Variants in AUTS2 observed in about 807,000 individuals in gnomAD.
AUTS2 encodes autism susceptibility gene 2 protein.
In AUTS2, 17 loss-of-function variants were observed where a neutral mutation model predicts 112.4. The observed-to-expected ratio is 0.15, with a 90% CI of 0.10 to 0.23. The LOEUF (loss-of-function observed/expected upper bound fraction) is 0.23. AUTS2 is among the 10% of genes least tolerant of loss of function. The pLI is 1.00. For synonymous variants in AUTS2, 751 were observed against 702.7 expected, an observed-to-expected ratio of 1.07 and a Z score of -1.09; for missense variants, 1,510 against 1,701.6, an observed-to-expected ratio of 0.89 and a Z score of 1.98.
At chr7:69,650,034 C>G (rs1253438724) in intron 1 of AUTS2, among the ~76,000 whole-genome samples, 1 of 152,178 alleles carries the variant, frequency 6.6e-6, no homozygotes, top group South Asian at 2.1e-4. Flanking sequence ...TTTTGTTACA[C>G]TGTGGATGGT....
intron 5 of AUTS2, among the ~76,000 whole-genome samples, chr7:70,521,297 G>A (rs570644337): frequency 1.3e-5 from 2 of 152,182 alleles, no homozygotes; most frequent in Middle Eastern, 3.2e-3. Context: ...GATACGACGT[G>A]TGAAATGCCA....
At chr7:70,608,600 G>T (rs1379346481) in intron 5 of AUTS2, among the ~76,000 whole-genome samples, 1 of 152,172 alleles carries the variant, frequency 6.6e-6, no homozygotes, top group Non-Finnish European at 1.5e-5. Flanking sequence ...GAAAATTAAA[G>T]GTATTCACGA....
intron 1 of AUTS2, among the ~76,000 whole-genome samples, chr7:69,642,482 T>C (rs928899976): frequency 5.9e-5 from 9 of 152,230 alleles, no homozygotes; most frequent in African/African-American, 2.2e-4. Flanking sequence ...TATATACTTT[T>C]TGAGTATTTT....
chr7:70,094,652 C>T (rs1319249750), intron 2 of AUTS2, among the ~76,000 whole-genome samples: 4 of 152,138 alleles, frequency 2.6e-5, no homozygotes. Context: ...ATCCATAAAG[C>T]AGTATGGAAA....
intron 2 of AUTS2, among the ~76,000 whole-genome samples, chr7:69,975,663 C>G (rs1036882786): frequency 6.6e-6 from 1 of 151,490 alleles, no homozygotes; most frequent in African/African-American, 2.4e-5. Flanking sequence ...TTGAGCCCAT[C>G]CGTTGAATTT....
chr7:70,388,926 G>T (rs1385756849), intron 4 of AUTS2, among the ~76,000 whole-genome samples: 1 of 152,122 alleles, frequency 6.6e-6, no homozygotes. Flanking sequence ...TCAATGAGGA[G>T]ATAAATAGTT....
intron 2 of AUTS2, among the ~76,000 whole-genome samples, chr7:69,941,124 A>C (rs1796610341): frequency 6.6e-6 from 1 of 152,156 alleles, no homozygotes; most frequent in Non-Finnish European, 1.5e-5. Flanking sequence ...TACCCTCCCA[A>C]GTTAAGGTAA....
At chr7:70,489,873 C>A (rs1798167295) in intron 5 of AUTS2, among the ~76,000 whole-genome samples, 1 of 151,964 alleles carries the variant, frequency 6.6e-6, no homozygotes, top group South Asian at 2.1e-4. Flanking sequence ...CAGCAAAACC[C>A]CAAATATTTA....
At chr7:70,182,868 C>T (rs1809392293) in intron 4 of AUTS2, among the ~76,000 whole-genome samples, 1 of 152,056 alleles carries the variant, frequency 6.6e-6, no homozygotes, top group Admixed American at 6.6e-5. Flanking sequence ...ATCTCTTGGT[C>T]ACCTCCTTTC....
At chr7:70,335,949 C>T (rs949197222) in intron 4 of AUTS2, among the ~76,000 whole-genome samples, 6 of 152,156 alleles carry the variant, frequency 3.9e-5, no homozygotes, top group African/African-American at 9.7e-5. Context: ...TTAACCAAGA[C>T]TTGACAGCTC....
At chr7:69,833,178 T>C (rs1255891193) in intron 1 of AUTS2, among the ~76,000 whole-genome samples, 1 of 152,152 alleles carries the variant, frequency 6.6e-6, no homozygotes, top group African/African-American at 2.4e-5. Context: ...AATTAAAATT[T>C]TTAGGTCCTC....
intron 1 of AUTS2, among the ~76,000 whole-genome samples, chr7:69,754,362 C>CT (rs1787863514): frequency 6.6e-6 from 1 of 152,196 alleles, no homozygotes; most frequent in African/African-American, 2.4e-5. Flanking sequence ...CTAGAGCTGA[C>CT]TGTCAAAGGC....
At chr7:70,518,927 C>T (rs186838849) in intron 5 of AUTS2, among the ~76,000 whole-genome samples, 2 of 152,186 alleles carry the variant, frequency 1.3e-5, no homozygotes, top group Admixed American at 6.5e-5. Context: ...TGGTCTTGAA[C>T]TCTTGGCCTC....
chr7:70,714,059 G>A lies in AUTS2; in HGVS notation c.742+15439G>A, dbSNP rs545120248. On this transcript the variant is annotated intron_variant, in intron 6 of 18. Transcript: ENST00000342771. ...TGATCTACATGGGTTAAATTTAAAT[G>A]CCTTTTTCAATAGGGAATATTTTCA... 4.6e-5 allele frequency among the ~76,000 whole-genome samples: 7 copies of A among 152,230 alleles called. No homozygotes were observed. The South Asian group carries it at 1.5e-3, about 32-fold the overall frequency.
intron 4 of AUTS2, among the ~76,000 whole-genome samples, chr7:70,381,388 T>G (rs1233955708): frequency 2.5e-4 from 38 of 152,218 alleles, no homozygotes; most frequent in Non-Finnish European, 5.9e-5. Flanking sequence ...GCTGTGTGTT[T>G]TCCTGTGTAC....
chr7:70,586,345 T>A (rs1350940013), intron 5 of AUTS2, among the ~76,000 whole-genome samples: 1 of 152,210 alleles, frequency 6.6e-6, no homozygotes, highest in Non-Finnish European at 1.5e-5. Context: ...AGGTTTTCCT[T>A]ACATGTATTC....
chr7:69,800,034 T>C (rs1377735151), intron 1 of AUTS2, among the ~76,000 whole-genome samples: 1 of 152,248 alleles, frequency 6.6e-6, no homozygotes, highest in African/African-American at 2.4e-5. Flanking sequence ...TAATAACTCA[T>C]GTGTCAGTAA....
At chr7:69,664,495 T>G (rs1194188082) in intron 1 of AUTS2, among the ~76,000 whole-genome samples, 1 of 152,180 alleles carries the variant, frequency 6.6e-6, no homozygotes. Context: ...AACCTAAAAG[T>G]TTTAATTTCC....
intron 1 of AUTS2, among the ~76,000 whole-genome samples, chr7:69,830,192 G>A (rs1791438610): frequency 6.6e-6 from 1 of 152,104 alleles, no homozygotes; most frequent in South Asian, 2.1e-4. Context: ...TAAGGAGAAA[G>A]CACAGACACA....
Sources: allele counts gnomAD v4.1 joint callset (sites outside exome capture counted in the v4.1 genomes callset), GRCh38; gene constraint gnomAD v4.1.1; transcripts MANE v1.5; gene names NCBI Gene and HGNC (gene_info 2026-07-23, HGNC 2026-07-21).